The following SOS2 variants were observed in gnomAD, a reference collection of about 807,000 sequenced individuals.
The protein encoded by SOS2 is son of sevenless homolog 2.
Under a neutral mutation model 148.2 loss-of-function variants are expected in SOS2, and 65 were observed. The ratio of observed to expected loss-of-function variants is 0.44; its 90% CI spans 0.36 to 0.54. The LOEUF (loss-of-function observed/expected upper bound fraction) is 0.54, where lower values mean the gene tolerates loss of function less well. Among genes scored for constraint, SOS2 ranks in the 20% least tolerant of loss-of-function variants. The pLI is 0.00. For synonymous variants in SOS2, 539 were observed against 537.1 expected (o/e 1.00, Z -0.05); for missense variants, 1,341 against 1,590.2 (o/e 0.84, Z 2.67).
chr14:50,150,565 T>C (rs1594974148), intron 13 of SOS2, among the ~76,000 whole-genome samples: 1 of 13,842 alleles, frequency 7.2e-5, no homozygotes. Flanking sequence ...ATTATTTTCC[T>C]TTTTTTTTTT....
intron 5 of SOS2, among the ~76,000 whole-genome samples, chr14:50,187,344 A>AC (rs2139728654): frequency 8.5e-6 from 1 of 117,110 alleles, no homozygotes; most frequent in African/African-American, 3.0e-5. Flanking sequence ...TATTATTGTT[A>AC]CTTTTTTTTT....
At chr14:50,204,786 C>G (rs1021531872) in intron 1 of SOS2, among the ~76,000 whole-genome samples, 3 of 152,122 alleles carry the variant, frequency 2.0e-5, no homozygotes, top group African/African-American at 7.2e-5. Context: ...TCTGAAAAAC[C>G]ATACTCCTTT....
In SOS2 at chr14:50,139,926, A is replaced by G. The variant is rs1188364646; in HGVS notation, c.2785+16T>C. On this transcript the variant is annotated intron_variant, in intron 17 of 22. Transcript: ENST00000216373. The stretch of plus-strand genomic sequence containing the variant: ...ACACGCTCACCCTCAAAATATATCC[A>G]TATTTAGTAACTTACCAAAAAAAGG... 3 of 1,265,900 alleles carry G rather than the reference A, an allele frequency of 2.4e-6. No individual in the cohort carries two copies. The highest frequency in any genetic ancestry group is 3.5e-6 in the Non-Finnish European group (3 of 864,868). The allele number at this position is 1,265,900 out of a possible 1,614,324, so 78.4% of individuals were successfully genotyped here.
At position 50,135,642 on chromosome 14, in the gene SOS2, C is replaced by CTTTTTTTT. The variant is rs56043962; in HGVS notation, c.2959-1411_2959-1404dup. 2.0e-3 allele frequency among the ~76,000 whole-genome samples: 167 copies of CTTTTTTTT among 82,566 alleles called. 1 individual carries two copies. Among genetic ancestry groups the CTTTTTTTT allele is most frequent in the Admixed American group, 2.4e-3 (14 of 5,952 alleles). 54.2% of individuals were successfully genotyped at this position (82,566 alleles called of 152,430 possible). On this transcript the variant is annotated intron_variant, in intron 18 of 22. Coordinates refer to ENST00000216373, the MANE Select transcript of SOS2 (RefSeq NM_006939.4). ...AATTAACTTTTTTCAATGTGGTTTG[C>CTTTTTTTT]TTTTTTTTTTTTTTTTTTTTTTGAG...
rs1329607325 is a variant in SOS2 at position 50,118,063 on chromosome 14, A to G, written c.*281T>C. ...CAGTGCAATCATGTCACTTTAAACC[A>G]TATTTTTGCAGAGTTTACAGTGCAA... On this transcript the variant is annotated 3_prime_UTR_variant, in exon 23 of 23. Coordinates refer to ENST00000216373, the MANE Select transcript of SOS2 (RefSeq NM_006939.4). 3 of 325,126 alleles carry G rather than the reference A, an allele frequency of 9.2e-6. No homozygotes were observed. Among genetic ancestry groups the G allele is most frequent in the Non-Finnish European group, 1.1e-5 (2 of 178,342 alleles). The allele number at this position is 325,126 out of a possible 1,614,324, so 20.1% of individuals were successfully genotyped here. A position where few individuals can be genotyped will look rare whatever the true frequency, so the allele number is the denominator to read the frequency against.
At chr14:50,160,288 G>A (rs1332396584) in intron 9 of SOS2, among the ~76,000 whole-genome samples, 2 of 143,680 alleles carry the variant, frequency 1.4e-5, no homozygotes, top group African/African-American at 5.2e-5. Context: ...GGCTCTATAA[G>A]AACTAAAATT....
chr14:50,181,447 C>A (rs370340232), intron 6 of SOS2, among the ~76,000 whole-genome samples: 95 of 145,906 alleles, frequency 6.5e-4, no homozygotes, highest in Admixed American at 9.6e-4. Flanking sequence ...GACTCCATGT[C>A]AAAAAAAAAA....
At chr14:50,230,841 C>T in intron 1 of SOS2, 1 of 987,688 alleles carries the variant, frequency 1.0e-6, no homozygotes, top group Non-Finnish European at 1.2e-6. Flanking sequence ...ATTACCCGGC[C>T]TGAAAATGTG....
chr14:50,224,357 A>G (rs943801578), intron 1 of SOS2, among the ~76,000 whole-genome samples: 2 of 145,564 alleles, frequency 1.4e-5, no homozygotes, highest in Non-Finnish European at 3.1e-5. Context: ...ACACACACAC[A>G]CACACACATA....
At chr14:50,208,394 G>A (rs530055301) in intron 1 of SOS2, among the ~76,000 whole-genome samples, 24 of 152,072 alleles carry the variant, frequency 1.6e-4, no homozygotes, top group Non-Finnish European at 3.4e-4. Context: ...GCTCAGACCT[G>A]TAATCCCAGC....
At chr14:50,122,391 CTTT>C (rs71118839) in intron 21 of SOS2, among the ~76,000 whole-genome samples, 2 of 88,308 alleles carry the variant, frequency 2.3e-5, no homozygotes, top group African/African-American at 4.8e-5. Context: ...GAACCCTGGG[CTTT>C]TTTTTTTTTT....
chr14:50,192,997 C>CA (rs1413094234), intron 4 of SOS2, among the ~76,000 whole-genome samples: 2 of 151,770 alleles, frequency 1.3e-5, no homozygotes, highest in East Asian at 3.8e-4. Flanking sequence ...ATTCTCTCAC[C>CA]TTTTTTTTGG....
At chr14:50,188,414 A>C in intron 5 of SOS2, 83 bp downstream of exon 5, 1 of 958,624 alleles carries the variant, frequency 1.0e-6, no homozygotes, top group Non-Finnish European at 1.6e-6. Context: ...TCTCAAAAAA[A>C]TAAAAAAAAG....
intron 14 of SOS2, among the ~76,000 whole-genome samples, chr14:50,148,059 G>A (rs1418764270): frequency 6.6e-6 from 1 of 152,070 alleles, no homozygotes; most frequent in Non-Finnish European, 1.5e-5. Context: ...GTATAAATAA[G>A]TACTTGCTAA....
Position 50,150,086 on chromosome 14 carries a change from A to G in SOS2, c.2306T>C (p.Phe769Ser). The G allele has an allele frequency of 6.2e-7, 1 of 1,614,072 alleles. No homozygotes were observed. Among genetic ancestry groups the G allele is most frequent in the Non-Finnish European group, 8.5e-7 (1 of 1,179,968 alleles). Residue 769 changes from phenylalanine (F) to serine (S), a missense_variant, in exon 14 of 23, where the codon TTT (phenylalanine) becomes TCT (serine). By Grantham distance (155) the Phe-to-Ser change is radical. This residue lies in a region of SOS2 where 408 missense variants were observed against 506.6 expected (regional missense o/e 0.81). Transcript: ENST00000216373. The stretch of plus-strand genomic sequence containing the variant: ...AAGTGTCATGAGATCAAATGTTTCA[A>G]ACTGTCCTGGTTTGCTGATATGCCA... ...IEWHISKPGQFETFDLMTLHP... is the reference protein window; with the variant it reads ...IEWHISKPGQSETFDLMTLHP...
chr14:50,123,383 T>A (rs536392842), intron 21 of SOS2, among the ~76,000 whole-genome samples: 1,964 of 145,678 alleles, frequency 0.013, 53 homozygotes, highest in African/African-American at 0.05. Context: ...CAGAGGGCTT[T>A]TTTTTTTTTT....
At chr14:50,129,238 A>C (rs1189585373) in intron 21 of SOS2, among the ~76,000 whole-genome samples, 1 of 152,208 alleles carries the variant, frequency 6.6e-6, no homozygotes, top group Non-Finnish European at 1.5e-5. Context: ...GTGACTGAGG[A>C]TATCCCGGGA....
chr14:50,187,543 G>T (rs1885957198), intron 5 of SOS2, among the ~76,000 whole-genome samples: 2 of 151,442 alleles, frequency 1.3e-5, no homozygotes, highest in African/African-American at 4.9e-5. Context: ...TGGAGACGGG[G>T]TTTCACCGTG....
chr14:50,204,457 TG>T (rs755014051), intron 1 of SOS2, 48 bp from the exon 2 acceptor site: 80 of 1,161,262 alleles, frequency 6.9e-5, no homozygotes, highest in Non-Finnish European at 8.0e-5. Flanking sequence ...TAATATAAAT[TG>T]AACAAAAGTC....
Sources: allele counts gnomAD v4.1 joint callset (sites outside exome capture counted in the v4.1 genomes callset), GRCh38; gene constraint gnomAD v4.1.1; regional missense constraint gnomAD v4.1.1; transcripts MANE v1.5; gene names NCBI Gene and HGNC (gene_info 2026-07-23, HGNC 2026-07-21).